NPSR1: variants seen among roughly 807,000 people sequenced by gnomAD.
The protein encoded by NPSR1 is neuropeptide S receptor 1, also known as neuropeptide S receptor.
In NPSR1, 48 loss-of-function variants were observed where a neutral mutation model predicts 46.9. The observed-to-expected ratio is 1.02, with a 90% CI of 0.81 to 1.30. NPSR1 has a LOEUF of 1.30. Among genes scored for constraint, NPSR1 ranks in the 50% most tolerant of loss-of-function variants. The pLI, the probability that NPSR1 is intolerant of heterozygous loss-of-function variation, is 0.00. For missense variants in NPSR1, 450 were observed against 449.5 expected (o/e 1.00, Z -0.01); for synonymous variants, 176 against 168.1 (o/e 1.05, Z -0.36).
At chr7:34,843,771 G>A (rs1306686703) in intron 6 of NPSR1, among the ~76,000 whole-genome samples, 1 of 152,238 alleles carries the variant, frequency 6.6e-6, no homozygotes, top group Admixed American at 6.5e-5. Context: ...AAACGTGAGA[G>A]CTGGGCAGTG....
At chr7:34,792,720 T>C (rs1472606195) in intron 3 of NPSR1, among the ~76,000 whole-genome samples, 2 of 131,766 alleles carry the variant, frequency 1.5e-5, no homozygotes, top group African/African-American at 5.6e-5. Context: ...TATATTTATA[T>C]ATATATATAT....
chr7:34,737,512 C>T (rs1181763516), intron 2 of NPSR1, among the ~76,000 whole-genome samples: 2 of 152,184 alleles, frequency 1.3e-5, no homozygotes, highest in Non-Finnish European at 2.9e-5. Context: ...TCTAGCCAGG[C>T]TTCTGCCAGT....
In NPSR1 at chr7:34,861,590, G is replaced by A. The variant is rs1385482326; in HGVS notation, c.1025+12927G>A. ...AAAGATCTTTGTTTTATTCAATGTT[G>A]TATTCCCAAGGACAGAACCACACCC... On this transcript the variant is annotated intron_variant, in intron 8 of 8. Transcript: ENST00000359791. 1.3e-5 allele frequency among the ~76,000 whole-genome samples: 2 copies of A among 151,752 alleles called. 1 individual carries two copies. The highest frequency in any genetic ancestry group is 4.9e-5 in the African/African-American group (2 of 41,050).
intron 4 of NPSR1, among the ~76,000 whole-genome samples, chr7:34,813,886 A>G (rs1789113727): frequency 6.6e-6 from 1 of 152,372 alleles, no homozygotes; most frequent in African/African-American, 2.4e-5. Context: ...GTACAGCATA[A>G]GACATATGAG....
At chr7:34,809,145 G>A (rs1788856264) in intron 3 of NPSR1, among the ~76,000 whole-genome samples, 1 of 152,000 alleles carries the variant, frequency 6.6e-6, no homozygotes, top group Non-Finnish European at 1.5e-5. Flanking sequence ...CTTCTCTGAT[G>A]CCACCTCCTC....
chr7:34,680,308 A>T (rs1173956949), intron 1 of NPSR1, among the ~76,000 whole-genome samples: 6 of 152,344 alleles, frequency 3.9e-5, no homozygotes, highest in African/African-American at 1.4e-4. Context: ...GCTTCAAAGT[A>T]CATATATGAA....
At chr7:34,754,342 G>C (rs1244001843) in intron 2 of NPSR1, among the ~76,000 whole-genome samples, 5 of 152,164 alleles carry the variant, frequency 3.3e-5, no homozygotes, top group Non-Finnish European at 7.3e-5. Context: ...AAAAAGAACT[G>C]AGTGACTAAC....
At chr7:34,698,795 T>G (rs1200791815) in intron 2 of NPSR1, among the ~76,000 whole-genome samples, 2 of 152,204 alleles carry the variant, frequency 1.3e-5, no homozygotes, top group Non-Finnish European at 2.9e-5. Context: ...TAAAATCCCT[T>G]CTGTTCAAAG....
intron 2 of NPSR1, among the ~76,000 whole-genome samples, chr7:34,735,794 G>A (rs968939873): frequency 7.9e-5 from 12 of 152,004 alleles, no homozygotes; most frequent in Admixed American, 3.3e-4. Context: ...ACAGAAAACC[G>A]TAAACAACTT....
chr7:34,811,448 G>A (rs370051460), intron 3 of NPSR1, among the ~76,000 whole-genome samples: 1 of 152,000 alleles, frequency 6.6e-6, no homozygotes, highest in Non-Finnish European at 1.5e-5. Flanking sequence ...TGGGATTTGG[G>A]GTTTATATGG....
intron 2 of NPSR1, among the ~76,000 whole-genome samples, chr7:34,732,283 T>C (rs1034157495): frequency 1.3e-5 from 2 of 152,162 alleles, no homozygotes; most frequent in African/African-American, 4.8e-5. Context: ...GATCTCGCAC[T>C]CTGGGGAATG....
At chr7:34,715,122 GCT>G (rs1783497038) in intron 2 of NPSR1, among the ~76,000 whole-genome samples, 1 of 152,244 alleles carries the variant, frequency 6.6e-6, no homozygotes, top group African/African-American at 2.4e-5. Context: ...GGCAGGTTCT[GCT>G]CTGTCTGGCT....
chr7:34,775,981 T>A (rs1256740690), intron 2 of NPSR1, among the ~76,000 whole-genome samples: 1 of 152,152 alleles, frequency 6.6e-6, no homozygotes, highest in Non-Finnish European at 1.5e-5. Flanking sequence ...ATTTCTTCAT[T>A]GACCCACCAG....
chr7:34,782,674 G>A (rs886253969), intron 3 of NPSR1, among the ~76,000 whole-genome samples: 2 of 151,886 alleles, frequency 1.3e-5, no homozygotes, highest in Non-Finnish European at 1.5e-5. Context: ...ATTGATGTGT[G>A]TGCATTTGAC....
chr7:34,676,326 G>A (rs546665710), intron 1 of NPSR1, among the ~76,000 whole-genome samples: 32 of 152,308 alleles, frequency 2.1e-4, no homozygotes, highest in African/African-American at 7.7e-4. Flanking sequence ...AGAGGTCAGA[G>A]AGGTTATCAC....
At chr7:34,751,311 G>A in intron 2 of NPSR1, 1 of 994,106 alleles carries the variant, frequency 1.0e-6, no homozygotes, top group South Asian at 1.3e-5. Flanking sequence ...TGCAGAAAGT[G>A]GTACTGATCA....
intron 2 of NPSR1, among the ~76,000 whole-genome samples, chr7:34,730,259 T>C (rs1437049983): frequency 6.6e-6 from 1 of 152,056 alleles, no homozygotes; most frequent in East Asian, 1.9e-4. Context: ...GCATTTGAAA[T>C]GAATAGAGAA....
intron 1 of NPSR1, among the ~76,000 whole-genome samples, chr7:34,675,541 C>T (rs1792271002): frequency 6.6e-6 from 1 of 152,218 alleles, no homozygotes; most frequent in South Asian, 2.1e-4. Flanking sequence ...AACCAAGTTT[C>T]CATCTGACAG....
chr7:34,752,153 C>A, intron 2 of NPSR1: 1 of 434,238 alleles, frequency 2.3e-6, no homozygotes. Flanking sequence ...ACCTTCCAAA[C>A]TATATGTCTA....
Sources: allele counts gnomAD v4.1 joint callset (sites outside exome capture counted in the v4.1 genomes callset), GRCh38; gene constraint gnomAD v4.1.1; transcripts MANE v1.5; gene names NCBI Gene and HGNC (gene_info 2026-07-23, HGNC 2026-07-21).